DNAH7: variants seen among roughly 807,000 people sequenced by gnomAD.
DNAH7 encodes axonemal beta dynein heavy chain 7.
DNAH7 carries 397 observed loss-of-function variants against 444.6 expected under a neutral mutation model. That is an observed-to-expected ratio of 0.89 (90% CI 0.82 to 0.97). The LOEUF (loss-of-function observed/expected upper bound fraction) is 0.97. DNAH7 is among the 50% of genes least tolerant of loss of function. The pLI, the probability that DNAH7 is intolerant of heterozygous loss-of-function variation, is 0.00. For synonymous variants in DNAH7, 1,636 were observed against 1,624.4 expected, an observed-to-expected ratio of 1.01 and a Z score of -0.17; for missense variants, 4,902 against 4,800.8, an observed-to-expected ratio of 1.02 and a Z score of -0.62.
intron 24 of DNAH7, among the ~76,000 whole-genome samples, chr2:195,914,103 T>C (rs1339324051): frequency 6.6e-6 from 1 of 152,244 alleles, no homozygotes; most frequent in African/African-American, 2.4e-5. Context: ...TGGATTAATA[T>C]ATCTGTAGCA....
chr2:196,026,520 A>G (rs1487044964), intron 7 of DNAH7, among the ~76,000 whole-genome samples: 1 of 152,176 alleles, frequency 6.6e-6, no homozygotes, highest in Non-Finnish European at 1.5e-5. Context: ...AATGCTTTAT[A>G]ATTTTCTTCA....
At chr2:195,771,568 T>G in intron 61 of DNAH7, 92 bp downstream of exon 61, 2 of 942,740 alleles carry the variant, frequency 2.1e-6, no homozygotes. Context: ...AAAACAGTGC[T>G]TATACAGTAT....
intron 54 of DNAH7, among the ~76,000 whole-genome samples, chr2:195,801,650 T>C (rs745327374): frequency 6.6e-6 from 1 of 152,204 alleles, no homozygotes; most frequent in African/African-American, 2.4e-5. Context: ...GCAGGAGCAA[T>C]GTGCAGGTGC....
intron 19 of DNAH7, among the ~76,000 whole-genome samples, chr2:195,948,506 C>T (rs547499064): frequency 6.6e-6 from 1 of 152,074 alleles, no homozygotes; most frequent in Non-Finnish European, 1.5e-5. Flanking sequence ...AGTTTTCTGC[C>T]TATGGCTAGC....
intron 19 of DNAH7, among the ~76,000 whole-genome samples, chr2:195,945,086 G>A (rs1171099666): frequency 1.3e-5 from 2 of 151,720 alleles, no homozygotes; most frequent in South Asian, 2.1e-4. Context: ...ACCCAAGTGG[G>A]TCATAAACAA....
intron 24 of DNAH7, among the ~76,000 whole-genome samples, chr2:195,918,676 A>G (rs1048315948): frequency 2.6e-5 from 4 of 152,304 alleles, no homozygotes; most frequent in Non-Finnish European, 1.5e-5. Flanking sequence ...ATAATTCTAG[A>G]TACTATATGA....
At chr2:195,960,167 T>C (rs1205771405) in intron 18 of DNAH7, 93 bp downstream of exon 18, 7 of 1,020,918 alleles carry the variant, frequency 6.9e-6, no homozygotes, top group Admixed American at 2.6e-5. Context: ...GTATGAAATA[T>C]TATGTGTGAA....
At position 195,886,277 on chromosome 2, in the gene DNAH7, A is replaced by G. The variant is rs770113198; in HGVS notation, c.5407-5T>C. 3 of 1,609,134 alleles carry G rather than the reference A, an allele frequency of 1.9e-6. No individual in the cohort carries two copies. Among genetic ancestry groups the G allele is most frequent in the African/African-American group, 1.3e-5 (1 of 74,756 alleles). On this transcript the variant is annotated splice_region_variant and splice_polypyrimidine_tract_variant and intron_variant, in intron 33 of 64. Coordinates refer to ENST00000312428, the MANE Select transcript of DNAH7 (RefSeq NM_018897.3). ...ATCGGAAGTAGGAGATAATTCCTGAAAAGTCAGTAAGAAAAATGACTAAAC... is the reference window on the plus strand; with the variant it reads ...ATCGGAAGTAGGAGATAATTCCTGAGAAGTCAGTAAGAAAAATGACTAAAC...
At chr2:195,977,326 G>T (rs1463618546) in intron 15 of DNAH7, among the ~76,000 whole-genome samples, 1 of 152,118 alleles carries the variant, frequency 6.6e-6, no homozygotes, top group Non-Finnish European at 1.5e-5. Context: ...GAATCAAGAA[G>T]AAATTCTGGG....
At chr2:196,040,678 C>A (rs564868417) in intron 5 of DNAH7, among the ~76,000 whole-genome samples, 1 of 152,210 alleles carries the variant, frequency 6.6e-6, no homozygotes, top group Non-Finnish European at 1.5e-5. Flanking sequence ...AAGGTTGCCA[C>A]TTTCACCACT....
chr2:196,052,434 G>A (rs1697534895), intron 2 of DNAH7, among the ~76,000 whole-genome samples: 1 of 152,212 alleles, frequency 6.6e-6, no homozygotes, highest in African/African-American at 2.4e-5. Flanking sequence ...TGTACTAGAT[G>A]TTGAAGACTT....
At chr2:196,047,054 G>A (rs372019171) in intron 5 of DNAH7, among the ~76,000 whole-genome samples, 1 of 150,738 alleles carries the variant, frequency 6.6e-6, no homozygotes, top group African/African-American at 2.5e-5. Flanking sequence ...AGATGAGATT[G>A]GGGAAAAAAA....
chr2:196,019,108 A>G, intron 9 of DNAH7, 62 bp downstream of exon 9: 3 of 1,345,938 alleles, frequency 2.2e-6, no homozygotes, highest in Non-Finnish European at 1.9e-6. Context: ...GAAATAATTA[A>G]GATATAGTAA....
chr2:195,753,222 T>G (rs1010035475), intron 63 of DNAH7, among the ~76,000 whole-genome samples: 3 of 147,162 alleles, frequency 2.0e-5, no homozygotes, highest in African/African-American at 7.6e-5. Flanking sequence ...TTCAGATGGC[T>G]TTTTTTTTTC....
intron 54 of DNAH7, among the ~76,000 whole-genome samples, chr2:195,806,031 T>C (rs1241724128): frequency 1.3e-5 from 2 of 151,714 alleles, no homozygotes; most frequent in African/African-American, 4.8e-5. Context: ...GAAATATTTA[T>C]GTCAAACTTT....
intron 28 of DNAH7, among the ~76,000 whole-genome samples, chr2:195,898,108 T>C (rs1229674449): frequency 1.3e-5 from 2 of 152,222 alleles, no homozygotes; most frequent in Non-Finnish European, 2.9e-5. Context: ...TGACTAGCAG[T>C]AGACTGGTCA....
At chr2:195,862,769 T>G (rs1011175312) in intron 41 of DNAH7, among the ~76,000 whole-genome samples, 4 of 152,102 alleles carry the variant, frequency 2.6e-5, no homozygotes, top group Admixed American at 6.6e-5. Flanking sequence ...ATTTAAAAAG[T>G]ATTTACCTGT....
chr2:195,917,883 G>A (rs1687785406), intron 24 of DNAH7, among the ~76,000 whole-genome samples: 1 of 152,046 alleles, frequency 6.6e-6, no homozygotes, highest in South Asian at 2.1e-4. Flanking sequence ...TGCCCAGGCT[G>A]GTCTTGAATT....
At chr2:195,931,932 T>G (rs978044105) in intron 21 of DNAH7, among the ~76,000 whole-genome samples, 1 of 152,192 alleles carries the variant, frequency 6.6e-6, no homozygotes, top group African/African-American at 2.4e-5. Context: ...ATATGAACTT[T>G]AAAGTAGTTT....
Sources: allele counts gnomAD v4.1 joint callset (sites outside exome capture counted in the v4.1 genomes callset), GRCh38; gene constraint gnomAD v4.1.1; transcripts MANE v1.5; gene names NCBI Gene and HGNC (gene_info 2026-07-23, HGNC 2026-07-21).